ANO10: variants seen among roughly 807,000 people sequenced by gnomAD.
ANO10 encodes the protein anoctamin 10, also known as anoctamin-10.
Under a neutral mutation model 74.7 loss-of-function variants are expected in ANO10, and 77 were observed. The observed-to-expected ratio is 1.03, with a 90% CI of 0.86 to 1.25. The LOEUF is 1.25. Among genes scored for constraint, ANO10 ranks in the 50% most tolerant of loss-of-function variants. ANO10 has a pLI of 0.00. For missense variants in ANO10, 721 were observed against 778.1 expected (o/e 0.93, Z 0.87); for synonymous variants, 279 against 284.9 (o/e 0.98, Z 0.21).
chr3:43,671,201 A>G (rs2084055085), intron 1 of ANO10, among the ~76,000 whole-genome samples: 1 of 152,190 alleles, frequency 6.6e-6, no homozygotes, highest in African/African-American at 2.4e-5. Context: ...GTCAACAAAA[A>G]AAGTTTATTT....
chr3:43,373,942 T>C (rs2091708173), intron 12 of ANO10, among the ~76,000 whole-genome samples: 1 of 152,262 alleles, frequency 6.6e-6, no homozygotes, highest in Admixed American at 6.5e-5. Flanking sequence ...TCATCGCCTC[T>C]GTCCTTTCAT....
Position 43,590,821 on chromosome 3 carries a change from G to T in ANO10, c.472+7711C>A, listed in dbSNP as rs569970593. ...GCATCTGTCTGCCTGTGACAGATAGGACTAGCTGGATTTCCTAGGCCGACT... is the reference window on the plus strand; with the variant it reads ...GCATCTGTCTGCCTGTGACAGATAGTACTAGCTGGATTTCCTAGGCCGACT... On this transcript the variant is annotated intron_variant, in intron 4 of 12. Coordinates refer to ENST00000292246, the MANE Select transcript of ANO10 (RefSeq NM_018075.5). Among the ~76,000 whole-genome samples, 25 of 152,290 alleles carry T rather than the reference G, an allele frequency of 1.6e-4. No individual in the cohort carries two copies. The East Asian group carries it at 3.7e-3, about 22-fold the overall frequency.
chr3:43,501,553 A>G (rs984531095), intron 11 of ANO10, among the ~76,000 whole-genome samples: 5 of 152,028 alleles, frequency 3.3e-5, no homozygotes, highest in African/African-American at 4.8e-5. Flanking sequence ...CATGAGGTCA[A>G]AGCTTCTTAG....
At chr3:43,432,807 T>G in intron 11 of ANO10, 80 bp from the exon 12 acceptor site, 1 of 952,022 alleles carries the variant, frequency 1.1e-6, no homozygotes, top group Non-Finnish European at 1.7e-6. Context: ...CTAAGCAATC[T>G]AGGATTATTT....
chr3:43,561,083 C>T, intron 9 of ANO10, 137 bp downstream of exon 9: 1 of 989,352 alleles, frequency 1.0e-6, no homozygotes, highest in South Asian at 1.4e-5. Flanking sequence ...TAAAGTGGTT[C>T]ATGATGAGGA....
intron 11 of ANO10, among the ~76,000 whole-genome samples, chr3:43,509,364 A>C (rs540052524): frequency 1.3e-5 from 2 of 151,612 alleles, no homozygotes; most frequent in Non-Finnish European, 3.0e-5. Context: ...ACTTAAATTT[A>C]AAAAAAAAGA....
chr3:43,441,727 C>T (rs1341800836), intron 11 of ANO10, among the ~76,000 whole-genome samples: 3 of 152,036 alleles, frequency 2.0e-5, no homozygotes, highest in Non-Finnish European at 4.4e-5. Flanking sequence ...AGTCCAATAT[C>T]CCTAATCAAT....
chr3:43,471,295 T>G (rs1460745728), intron 11 of ANO10, among the ~76,000 whole-genome samples: 1 of 152,240 alleles, frequency 6.6e-6, no homozygotes, highest in Non-Finnish European at 1.5e-5. Flanking sequence ...AAAAGATTTA[T>G]TTTTTCCTTA....
intron 11 of ANO10, among the ~76,000 whole-genome samples, chr3:43,534,266 A>G (rs1417458193): frequency 6.6e-6 from 1 of 152,232 alleles, no homozygotes; most frequent in East Asian, 1.9e-4. Context: ...GCAGGCCACC[A>G]CTGTCCACAT....
At chr3:43,446,075 G>A (rs933281052) in intron 11 of ANO10, among the ~76,000 whole-genome samples, 3 of 152,158 alleles carry the variant, frequency 2.0e-5, no homozygotes, top group African/African-American at 7.2e-5. Context: ...ATATCACTGT[G>A]TGTAGAATTC....
chr3:43,559,434 G>A lies in ANO10; in HGVS notation c.1476+1786C>T, dbSNP rs143884734. ...ATTCTAATTGATTATAGAAAGAGAA[G>A]TAGGAAACTAAAGACAACAATATGG... is the stretch of plus-strand genomic sequence containing the variant. On this transcript the variant is annotated intron_variant, in intron 9 of 12. Coordinates refer to ENST00000292246, the MANE Select transcript of ANO10 (RefSeq NM_018075.5). Among the ~76,000 whole-genome samples the A allele has an allele frequency of 1.1e-4, 17 of 152,322 alleles. No homozygotes were observed. In the East Asian group the frequency reaches 3.3e-3, roughly 29 times the overall value.
chr3:43,414,603 C>A (rs1403810881), intron 12 of ANO10, among the ~76,000 whole-genome samples: 1 of 152,078 alleles, frequency 6.6e-6, no homozygotes, highest in East Asian at 1.9e-4. Context: ...TCAAAACGAC[C>A]TGTTTTTGGT....
At chr3:43,645,013 C>A (rs2083711661) in intron 1 of ANO10, among the ~76,000 whole-genome samples, 1 of 152,128 alleles carries the variant, frequency 6.6e-6, no homozygotes, top group Admixed American at 6.5e-5. Context: ...ATCCATCTGT[C>A]AAAAAGGTAG....
intron 12 of ANO10, among the ~76,000 whole-genome samples, chr3:43,427,456 T>C (rs575695700): frequency 6.6e-6 from 1 of 152,336 alleles, no homozygotes; most frequent in Non-Finnish European, 1.5e-5. Flanking sequence ...GTCAAATTTC[T>C]CAATCATATT....
intron 1 of ANO10, among the ~76,000 whole-genome samples, chr3:43,635,202 ATGT>A (rs2083592752): frequency 6.6e-6 from 1 of 152,220 alleles, no homozygotes; most frequent in African/African-American, 2.4e-5. Context: ...CTGAGCCCAC[ATGT>A]AACAGCCTAC....
At chr3:43,533,512 T>C (rs1484879378) in intron 11 of ANO10, among the ~76,000 whole-genome samples, 2 of 152,192 alleles carry the variant, frequency 1.3e-5, no homozygotes, top group East Asian at 3.9e-4. Flanking sequence ...GCTTTGGCCT[T>C]AGTAACAGTA....
At chr3:43,582,781 C>T (rs1223671195) in intron 4 of ANO10, among the ~76,000 whole-genome samples, 1 of 152,156 alleles carries the variant, frequency 6.6e-6, no homozygotes, top group Non-Finnish European at 1.5e-5. Context: ...GGTAAAAAGA[C>T]ATGGTTGAAG....
chr3:43,382,307 C>T (rs1286497448), intron 12 of ANO10, among the ~76,000 whole-genome samples: 2 of 152,102 alleles, frequency 1.3e-5, no homozygotes, highest in Non-Finnish European at 2.9e-5. Flanking sequence ...ATCACGAGGT[C>T]AGGAGATCGA....
At chr3:43,502,444 G>A (rs562523242) in intron 11 of ANO10, among the ~76,000 whole-genome samples, 5 of 152,096 alleles carry the variant, frequency 3.3e-5, no homozygotes, top group South Asian at 2.1e-4. Context: ...GCACCTCCCC[G>A]CTTCTCCTGC....
Sources: allele counts gnomAD v4.1 joint callset (sites outside exome capture counted in the v4.1 genomes callset), GRCh38; gene constraint gnomAD v4.1.1; transcripts MANE v1.5; gene names NCBI Gene and HGNC (gene_info 2026-07-23, HGNC 2026-07-21).